The following AFAP1 variants were observed in gnomAD, a reference collection of about 807,000 sequenced individuals.
AFAP1 encodes the protein actin filament associated protein 1.
AFAP1 carries 75 observed loss-of-function variants against 93.9 expected under a neutral mutation model. That is an observed-to-expected ratio of 0.80 (90% CI 0.66 to 0.97). The LOEUF (loss-of-function observed/expected upper bound fraction) is 0.97, where lower values mean the gene tolerates loss of function less well. AFAP1 is among the 50% of genes least tolerant of loss of function. The pLI is 0.00. For synonymous variants in AFAP1, 517 were observed against 430.7 expected, an observed-to-expected ratio of 1.20 and a Z score of -2.48; for missense variants, 1,201 against 1,050.8, an observed-to-expected ratio of 1.14 and a Z score of -1.98.
chr4:7,784,304 C>T (rs11724720), intron 12 of AFAP1, among the ~76,000 whole-genome samples: 91,209 of 151,842 alleles, frequency 0.6, 28,177 homozygotes, highest in East Asian at 0.83. Context: ...TCTGTTTGCC[C>T]CGTGCCACCC....
chr4:7,873,025 G>A lies in AFAP1; in HGVS notation c.-2-945C>T, dbSNP rs150148994. 3.3e-4 allele frequency among the ~76,000 whole-genome samples: 49 copies of A among 150,046 alleles called. No homozygotes were observed. The East Asian group carries it at 7.4e-3, about 23-fold the overall frequency. ...AGCACTTTGGGAGACCCAGGCAGGC[G>A]GATCACCTAAGGTCAGAAGTTCGAG... On this transcript the variant is annotated intron_variant, in intron 1 of 17. Transcript: ENST00000420658.
intron 3 of AFAP1, among the ~76,000 whole-genome samples, chr4:7,866,325 T>G (rs1045347197): frequency 1.3e-5 from 2 of 152,104 alleles, no homozygotes; most frequent in African/African-American, 2.4e-5. Context: ...GCCTCCCAAG[T>G]AGCTGGACTA....
At chr4:7,795,680 C>A (rs1055964220) in intron 10 of AFAP1, among the ~76,000 whole-genome samples, 7 of 152,036 alleles carry the variant, frequency 4.6e-5, no homozygotes, top group African/African-American at 1.7e-4. Context: ...CCACCTCGGC[C>A]TCCCAAAGTG....
chr4:7,823,309 G>GA (rs1409792735), intron 6 of AFAP1, among the ~76,000 whole-genome samples: 3 of 151,416 alleles, frequency 2.0e-5, no homozygotes, highest in South Asian at 2.1e-4. Flanking sequence ...TTTCTATGAA[G>GA]AAAAAAAAGA....
intron 16 of AFAP1, among the ~76,000 whole-genome samples, chr4:7,770,640 A>G (rs1223591339): frequency 6.6e-6 from 1 of 152,100 alleles, no homozygotes; most frequent in Non-Finnish European, 1.5e-5. Flanking sequence ...GAAAAAGCTG[A>G]CAGAAAAGCT....
At chr4:7,856,641 A>G (rs1405054041) in intron 3 of AFAP1, among the ~76,000 whole-genome samples, 1 of 152,194 alleles carries the variant, frequency 6.6e-6, no homozygotes, top group Non-Finnish European at 1.5e-5. Flanking sequence ...GCGCCTCGGG[A>G]CAACCTACGT....
At chr4:7,912,072 G>C (rs1158150597) in intron 1 of AFAP1, among the ~76,000 whole-genome samples, 1 of 152,036 alleles carries the variant, frequency 6.6e-6, no homozygotes, top group East Asian at 1.9e-4. Flanking sequence ...CACAGACCCA[G>C]GATGGAAAAA....
chr4:7,898,957 T>C (rs1400945689), intron 1 of AFAP1, among the ~76,000 whole-genome samples: 1 of 150,526 alleles, frequency 6.6e-6, no homozygotes, highest in Non-Finnish European at 1.5e-5. Context: ...AATGTGTATA[T>C]ATACACATTT....
intron 1 of AFAP1, among the ~76,000 whole-genome samples, chr4:7,900,875 G>A (rs1308087401): frequency 6.6e-6 from 1 of 152,170 alleles, no homozygotes; most frequent in Non-Finnish European, 1.5e-5. Flanking sequence ...AATAGGTCAA[G>A]AAACTGCTAG....
intron 17 of AFAP1, among the ~76,000 whole-genome samples, chr4:7,765,284 A>G (rs1714394801): frequency 6.6e-6 from 1 of 152,006 alleles, no homozygotes; most frequent in Non-Finnish European, 1.5e-5. Context: ...ACACACACCC[A>G]TGCCTGTTCT....
chr4:7,853,017 C>G (rs767090167), intron 4 of AFAP1, among the ~76,000 whole-genome samples: 2 of 152,130 alleles, frequency 1.3e-5, no homozygotes, highest in African/African-American at 4.8e-5. Context: ...CTCAAGCGTG[C>G]GCTGCTCGTC....
intron 5 of AFAP1, 164 bp downstream of exon 5, chr4:7,842,975 T>C (rs1282242705): frequency 8.7e-6 from 6 of 693,546 alleles, no homozygotes; most frequent in African/African-American, 3.6e-5. Flanking sequence ...CCTGATGGCA[T>C]GTGGGGGCCC....
intron 9 of AFAP1, among the ~76,000 whole-genome samples, chr4:7,809,063 GTTTTTTT>G (rs10707304): frequency 1.2e-4 from 18 of 148,888 alleles, no homozygotes; most frequent in South Asian, 4.2e-4. Context: ...TTTTGTTTTT[GTTTTTTT>G]TTTTTATACT....
At chr4:7,929,453 C>A (rs779191789) in intron 1 of AFAP1, among the ~76,000 whole-genome samples, 1 of 152,220 alleles carries the variant, frequency 6.6e-6, no homozygotes, top group Non-Finnish European at 1.5e-5. Flanking sequence ...ACATTTGGGG[C>A]TGGCTGGCTG....
intron 12 of AFAP1, among the ~76,000 whole-genome samples, chr4:7,784,198 G>T (rs1339239682): frequency 6.6e-6 from 1 of 152,112 alleles, no homozygotes; most frequent in Non-Finnish European, 1.5e-5. Flanking sequence ...TGGCTGAGGG[G>T]GAAAGGAGGA....
intron 4 of AFAP1, among the ~76,000 whole-genome samples, chr4:7,855,035 C>A (rs1349340717): frequency 6.6e-6 from 1 of 152,194 alleles, no homozygotes; most frequent in Non-Finnish European, 1.5e-5. Context: ...GACAGAGACG[C>A]CTGTTTGTGC....
intron 3 of AFAP1, among the ~76,000 whole-genome samples, chr4:7,866,188 C>T (rs557773020): frequency 7.7e-5 from 11 of 143,128 alleles, no homozygotes; most frequent in Admixed American, 5.0e-4. Flanking sequence ...TGAGCCACTG[C>T]GCCCAGCAGG....
chr4:7,784,931 G>T (rs987222549), intron 12 of AFAP1, among the ~76,000 whole-genome samples: 1 of 152,126 alleles, frequency 6.6e-6, no homozygotes. Context: ...AATCAAAACA[G>T]TAAGAAAAAA....
chr4:7,934,639 G>A (rs376524802), intron 1 of AFAP1, among the ~76,000 whole-genome samples: 3 of 152,246 alleles, frequency 2.0e-5, no homozygotes, highest in African/African-American at 7.2e-5. Flanking sequence ...GCCCGACACC[G>A]CACACACAGC....
Sources: allele counts gnomAD v4.1 joint callset (sites outside exome capture counted in the v4.1 genomes callset), GRCh38; gene constraint gnomAD v4.1.1; transcripts MANE v1.5; gene names NCBI Gene and HGNC (gene_info 2026-07-23, HGNC 2026-07-21).